The following SPATA13 variants were observed in gnomAD, a reference collection of about 807,000 sequenced individuals.
The protein encoded by SPATA13 is spermatogenesis-associated protein 13.
Under a neutral mutation model 104.0 loss-of-function variants are expected in SPATA13, and 50 were observed. That is an observed-to-expected ratio of 0.48 (90% CI 0.38 to 0.61). The LOEUF is 0.61. Ranked by LOEUF, SPATA13 falls within the 20% of genes least tolerant of loss-of-function variation. The probability of loss-of-function intolerance (pLI) is 0.00; values close to 1 mark genes in which losing one functional copy is unlikely to be tolerated. For synonymous variants in SPATA13, 606 were observed against 667.5 expected, an observed-to-expected ratio of 0.91 and a Z score of 1.42; for missense variants, 1,524 against 1,690.6, an observed-to-expected ratio of 0.90 and a Z score of 1.73.
intron 4 of SPATA13, among the ~76,000 whole-genome samples, chr13:24,262,793 T>G (rs1366673009): frequency 6.6e-6 from 1 of 152,186 alleles, no homozygotes; most frequent in East Asian, 1.9e-4. Flanking sequence ...ACATCCAGAG[T>G]TCTGAGTTAC....
At position 24,290,345 on chromosome 13, in the gene SPATA13, C is replaced by T. The variant is rs542704079; in HGVS notation, c.2848-307C>T. Among the ~76,000 whole-genome samples the T allele has an allele frequency of 2.5e-4, 38 of 152,282 alleles. No homozygotes were observed. In the South Asian group the frequency reaches 3.1e-3, roughly 12 times the overall value. On this transcript the variant is annotated intron_variant, in intron 8 of 12. Transcript: ENST00000382108. Reference sequence around the variant, plus strand: ...TGGGAGGGGGACGTTAGAGGCCCTGCTCCCCACCTTCCAGGATGAGCGTGA... The same window carrying T: ...TGGGAGGGGGACGTTAGAGGCCCTGTTCCCCACCTTCCAGGATGAGCGTGA...
intron 1 of SPATA13, among the ~76,000 whole-genome samples, chr13:24,221,505 G>C (rs1490895126): frequency 1.3e-5 from 2 of 152,114 alleles, no homozygotes; most frequent in East Asian, 3.9e-4. Flanking sequence ...CATTTTTCAG[G>C]GGAGGGCCAT....
chr13:24,299,441 A>G (rs557675625), intron 11 of SPATA13, among the ~76,000 whole-genome samples: 2 of 152,218 alleles, frequency 1.3e-5, no homozygotes, highest in South Asian at 2.1e-4. Flanking sequence ...TACTTGATGC[A>G]TGTGTGTGGG....
chr13:24,263,343 G>A (rs927302257), intron 4 of SPATA13, among the ~76,000 whole-genome samples: 2 of 152,336 alleles, frequency 1.3e-5, no homozygotes, highest in Admixed American at 1.3e-4. Flanking sequence ...TGGTGATGGA[G>A]CACTTGGATT....
At chr13:24,027,771 T>C (rs543911397) in intron 3 of SPATA13, among the ~76,000 whole-genome samples, 9 of 152,310 alleles carry the variant, frequency 5.9e-5, no homozygotes, top group Non-Finnish European at 7.4e-5. Context: ...TATCATAGCA[T>C]AGTTGTGAAA....
intron 3 of SPATA13, among the ~76,000 whole-genome samples, chr13:24,069,240 C>A (rs1306492122): frequency 2.0e-5 from 3 of 152,104 alleles, no homozygotes; most frequent in African/African-American, 7.2e-5. Flanking sequence ...AATGTTGATT[C>A]TTCCCATCCA....
intron 2 of SPATA13, among the ~76,000 whole-genome samples, chr13:24,012,590 G>A (rs900499661): frequency 4.6e-5 from 7 of 152,232 alleles, no homozygotes; most frequent in Non-Finnish European, 8.8e-5. Context: ...CCTCTCAGGG[G>A]CTCCCCTGGT....
intron 3 of SPATA13, among the ~76,000 whole-genome samples, chr13:24,032,665 A>G (rs1158460656): frequency 6.6e-6 from 1 of 152,244 alleles, no homozygotes; most frequent in African/African-American, 2.4e-5. Flanking sequence ...AACATGGGAA[A>G]ATCCAGGGCA....
chr13:23,993,692 A>ATTT (rs1389344766), intron 2 of SPATA13, among the ~76,000 whole-genome samples: 2 of 152,204 alleles, frequency 1.3e-5, no homozygotes, highest in Non-Finnish European at 2.9e-5. Context: ...TACCTAGGAA[A>ATTT]GCCCATCCTT....
At chr13:24,178,174 A>G (rs1223976571) in intron 1 of SPATA13, among the ~76,000 whole-genome samples, 19 of 152,182 alleles carry the variant, frequency 1.2e-4, no homozygotes, top group Admixed American at 1.2e-3. Context: ...TTAAACTGGG[A>G]ATATCTGCAC....
Position 24,251,901 on chromosome 13 carries a change from G to T in SPATA13, c.2164+39G>T, listed in dbSNP as rs529413371. 2.5e-6 allele frequency: 4 copies of T among 1,590,436 alleles called. No individual in the cohort carries two copies. The African/African-American group carries it at 4.0e-5, about 16-fold the overall frequency. ...TCCCTTTCCTTTCAGAGCTGCTATG[G>T]GCCCATCTGACCGTTTCCAGCTAAC... On this transcript the variant is annotated intron_variant, in intron 4 of 12. Coordinates refer to ENST00000382108, the MANE Select transcript of SPATA13 (RefSeq NM_001166271.3).
chr13:24,149,970 C>G (rs1432617987), intron 3 of SPATA13, among the ~76,000 whole-genome samples: 1 of 151,924 alleles, frequency 6.6e-6, no homozygotes, highest in Non-Finnish European at 1.5e-5. Context: ...TGCTGTGCCA[C>G]AGGGTGGCTG....
intron 3 of SPATA13, among the ~76,000 whole-genome samples, chr13:24,042,997 C>G (rs535191318): frequency 6.6e-6 from 1 of 152,220 alleles, no homozygotes; most frequent in Non-Finnish European, 1.5e-5. Context: ...TGAACCCTTT[C>G]GCAATGTGTG....
At chr13:24,228,801 A>G (rs1311566483) in intron 2 of SPATA13, among the ~76,000 whole-genome samples, 1 of 152,238 alleles carries the variant, frequency 6.6e-6, no homozygotes, top group African/African-American at 2.4e-5. Context: ...TGTAATCAAC[A>G]TATATTATGG....
At chr13:23,997,711 G>A (rs1426687643) in intron 2 of SPATA13, among the ~76,000 whole-genome samples, 4 of 152,098 alleles carry the variant, frequency 2.6e-5, no homozygotes, top group South Asian at 2.1e-4. Context: ...GGGAGCAGGC[G>A]TGTCACATGG....
chr13:24,073,661 C>T (rs1256949490), intron 3 of SPATA13, among the ~76,000 whole-genome samples: 1 of 152,220 alleles, frequency 6.6e-6, no homozygotes, highest in East Asian at 1.9e-4. Context: ...CTCATCAGGC[C>T]TTTACTGCAG....
intron 3 of SPATA13, among the ~76,000 whole-genome samples, chr13:24,052,894 T>C (rs970884998): frequency 5.6e-5 from 3 of 53,272 alleles, no homozygotes; most frequent in African/African-American, 2.0e-4. Flanking sequence ...ATGCTTTCTG[T>C]GGAAAATTGT....
intron 1 of SPATA13, among the ~76,000 whole-genome samples, chr13:24,191,089 T>C (rs1448867225): frequency 1.3e-5 from 2 of 152,180 alleles, no homozygotes; most frequent in Non-Finnish European, 2.9e-5. Context: ...GGATGATTGT[T>C]AACATTTTTT....
intron 1 of SPATA13, among the ~76,000 whole-genome samples, chr13:24,174,777 C>G (rs1883148937): frequency 6.6e-6 from 1 of 152,162 alleles, no homozygotes; most frequent in South Asian, 2.1e-4. Flanking sequence ...CAGGGTTTCA[C>G]CATGTTGGCC....
Sources: gnomAD v4.1 joint callset for allele counts (sites outside exome capture counted in the v4.1 genomes callset) on GRCh38, gnomAD v4.1.1 for gene constraint, MANE v1.5 for transcripts, NCBI Gene and HGNC (gene_info 2026-07-23, HGNC 2026-07-21) for gene names.